MAGI1: variants seen among roughly 807,000 people sequenced by gnomAD.
MAGI1 encodes membrane associated guanylate kinase, WW and PDZ domain containing 1, also known as membrane-associated guanylate kinase, WW and PDZ domain-containing protein 1.
In MAGI1, 58 loss-of-function variants were observed where a neutral mutation model predicts 139.9. The observed-to-expected ratio is 0.41, with a 90% CI of 0.34 to 0.52. The LOEUF (loss-of-function observed/expected upper bound fraction) is 0.52, where lower values mean the gene tolerates loss of function less well. Ranked by LOEUF, MAGI1 falls within the 20% of genes least tolerant of loss-of-function variation. MAGI1 has a pLI of 0.12. For missense variants in MAGI1, 1,874 were observed against 1,901.6 expected (o/e 0.99, Z 0.27); for synonymous variants, 812 against 737.9 (o/e 1.10, Z -1.63).
At chr3:65,790,056 C>G (rs2039656308) in intron 1 of MAGI1, among the ~76,000 whole-genome samples, 1 of 152,168 alleles carries the variant, frequency 6.6e-6, no homozygotes, top group East Asian at 1.9e-4. Context: ...ACAGACCTAA[C>G]TAAAGATGTC....
chr3:65,453,052 C>T (rs1313413592), intron 6 of MAGI1: 1 of 542,266 alleles, frequency 1.8e-6, no homozygotes, highest in African/African-American at 1.9e-5. Context: ...TAGTAAGCAT[C>T]TGTCTTTATG....
At chr3:65,468,449 C>A (rs1006936998) in intron 5 of MAGI1, among the ~76,000 whole-genome samples, 1 of 138,190 alleles carries the variant, frequency 7.2e-6, no homozygotes. Context: ...AATCTCGGCT[C>A]ACTGCAACCT....
chr3:65,430,194 T>A lies in MAGI1; in HGVS notation c.1547-54A>T. 3 of 1,572,028 alleles carry A rather than the reference T, an allele frequency of 1.9e-6. No individual in the cohort carries two copies. In the South Asian group the frequency reaches 3.4e-5, roughly 18 times the overall value. On this transcript the variant is annotated intron_variant, in intron 11 of 22. Coordinates refer to ENST00000402939, the MANE Select transcript of MAGI1 (RefSeq NM_001033057.2). The stretch of plus-strand genomic sequence containing the variant: ...GAAAACAGCACCCAGAAAATTGTCA[T>A]CAGTATTATAATATCTCCCACTAAC...
At chr3:65,544,254 A>T (rs916886934) in intron 2 of MAGI1, among the ~76,000 whole-genome samples, 4 of 152,194 alleles carry the variant, frequency 2.6e-5, no homozygotes, top group African/African-American at 9.7e-5. Flanking sequence ...GACTTCTGCA[A>T]AGTTCTTCTG....
At chr3:65,950,067 C>CAAAAAAAAAAAAAAAAA (rs61696952) in intron 1 of MAGI1, among the ~76,000 whole-genome samples, 8 of 76,708 alleles carry the variant, frequency 1.0e-4, no homozygotes, top group Non-Finnish European at 1.8e-4. Context: ...AACAAAAAAA[C>CAAAAAAAAAAAAAAAAA]AAAAAAAAAA....
At chr3:65,396,225 A>T (rs1315316442) in intron 13 of MAGI1, among the ~76,000 whole-genome samples, 1 of 152,170 alleles carries the variant, frequency 6.6e-6, no homozygotes, top group Admixed American at 6.5e-5. Flanking sequence ...TTAAGATAGG[A>T]ATTTCCAATG....
intron 1 of MAGI1, among the ~76,000 whole-genome samples, chr3:65,856,471 C>T (rs1384915485): frequency 2.0e-4 from 30 of 152,166 alleles, no homozygotes; most frequent in Admixed American, 1.7e-3. Flanking sequence ...ACTCGATGAA[C>T]TCAGGTATCT....
At chr3:65,413,494 G>A (rs1363271219) in intron 12 of MAGI1, among the ~76,000 whole-genome samples, 1 of 152,136 alleles carries the variant, frequency 6.6e-6, no homozygotes, top group Admixed American at 6.5e-5. Flanking sequence ...GACATACAGT[G>A]AGCAGCCCCA....
At chr3:65,507,896 A>AT (rs75891463) in intron 2 of MAGI1, among the ~76,000 whole-genome samples, 56,173 of 149,808 alleles carry the variant, frequency 0.37, 10,892 homozygotes, top group East Asian at 0.74. Context: ...TTTAGAGGTG[A>AT]TTTTTTTTTT....
At chr3:65,597,227 C>T (rs1191652978) in intron 2 of MAGI1, among the ~76,000 whole-genome samples, 1 of 151,832 alleles carries the variant, frequency 6.6e-6, no homozygotes, top group Non-Finnish European at 1.5e-5. Context: ...CCTCCTTTAC[C>T]ATCCATCAGG....
intron 1 of MAGI1, among the ~76,000 whole-genome samples, chr3:65,731,614 C>T (rs1487668961): frequency 6.7e-6 from 1 of 150,204 alleles, no homozygotes; most frequent in African/African-American, 2.5e-5. Context: ...GTGATTGTAC[C>T]ACTGCACTCC....
chr3:65,699,624 A>G (rs535376479), intron 1 of MAGI1, among the ~76,000 whole-genome samples: 77 of 149,618 alleles, frequency 5.1e-4, no homozygotes, highest in Non-Finnish European at 8.6e-4. Flanking sequence ...AACTATCGCA[A>G]CAACAAAAAA....
At chr3:65,670,889 T>G (rs549280471) in intron 1 of MAGI1, among the ~76,000 whole-genome samples, 1 of 152,298 alleles carries the variant, frequency 6.6e-6, no homozygotes, top group East Asian at 1.9e-4. Flanking sequence ...CCAACAAGCA[T>G]GTATTAAGCC....
chr3:65,506,133 G>A (rs956445969), intron 2 of MAGI1, among the ~76,000 whole-genome samples: 1 of 152,084 alleles, frequency 6.6e-6, no homozygotes, highest in African/African-American at 2.4e-5. Context: ...AACCAGATTT[G>A]GTGAGTTCAA....
chr3:65,679,485 C>G (rs1257977503), intron 1 of MAGI1, among the ~76,000 whole-genome samples: 1 of 152,052 alleles, frequency 6.6e-6, no homozygotes, highest in Non-Finnish European at 1.5e-5. Context: ...ATTCATTGAA[C>G]CCAGAAGGCA....
intron 2 of MAGI1, among the ~76,000 whole-genome samples, chr3:65,620,339 C>G (rs1405760144): frequency 6.6e-6 from 1 of 152,118 alleles, no homozygotes; most frequent in East Asian, 1.9e-4. Context: ...ACCAGATCTG[C>G]CACTTACTGA....
chr3:65,408,410 G>C (rs1042731828), intron 12 of MAGI1, among the ~76,000 whole-genome samples: 1 of 152,210 alleles, frequency 6.6e-6, no homozygotes, highest in Non-Finnish European at 1.5e-5. Flanking sequence ...CCTGGTAAAA[G>C]GAATGTGCCT....
Position 65,611,777 on chromosome 3 carries a change from G to T in MAGI1, c.430+10195C>A, listed in dbSNP as rs188812373. Among the ~76,000 whole-genome samples the T allele has an allele frequency of 9.9e-5, 15 of 151,268 alleles. No individual in the cohort carries two copies. In the East Asian group the frequency reaches 2.7e-3, roughly 27 times the overall value. ...TATACACATATATAGTCGGAGGAAAGAAACAGTGGTGGTTATTAGTGGGGG... is the reference window on the plus strand; with the variant it reads ...TATACACATATATAGTCGGAGGAAATAAACAGTGGTGGTTATTAGTGGGGG... On this transcript the variant is annotated intron_variant, in intron 2 of 22. Transcript: ENST00000402939.
At chr3:65,863,315 TC>T (rs2059615502) in intron 1 of MAGI1, among the ~76,000 whole-genome samples, 1 of 152,228 alleles carries the variant, frequency 6.6e-6, no homozygotes, top group African/African-American at 2.4e-5. Context: ...GCCAAGTGTC[TC>T]TCTGTGTTTT....
Sources: gnomAD v4.1 joint callset for allele counts (sites outside exome capture counted in the v4.1 genomes callset) on GRCh38, gnomAD v4.1.1 for gene constraint, MANE v1.5 for transcripts, NCBI Gene and HGNC (gene_info 2026-07-23, HGNC 2026-07-21) for gene names.